MGAT4C: variants seen among roughly 807,000 people sequenced by gnomAD.
MGAT4C encodes the protein MGAT4 family member C, also known as alpha-1,3-mannosyl-glycoprotein 4-beta-N-acetylglucosaminyltransferase C.
A neutral mutation model predicts 40.1 loss-of-function variants in MGAT4C; 19 were observed. The observed-to-expected ratio is 0.47, with a 90% CI of 0.33 to 0.70. MGAT4C has a LOEUF of 0.70. Among genes scored for constraint, MGAT4C ranks in the 30% least tolerant of loss-of-function variants. The pLI, the probability that MGAT4C is intolerant of heterozygous loss-of-function variation, is 0.02. For missense variants in MGAT4C, 491 were observed against 563.2 expected (o/e 0.87, Z 1.30); for synonymous variants, 181 against 187.1 (o/e 0.97, Z 0.27).
chr12:85,986,924 AG>A (rs1476040916), intron 3 of MGAT4C, among the ~76,000 whole-genome samples: 1 of 152,038 alleles, frequency 6.6e-6, no homozygotes, highest in Non-Finnish European at 1.5e-5. Flanking sequence ...TCATTGAAAA[AG>A]TTTTCAACTT....
rs757890043 is a variant in MGAT4C, at chr12:85,956,706, T to A, written c.*22583A>T. 5.3e-5 allele frequency: 8 copies of A among 152,196 alleles called. No homozygotes were observed. Among genetic ancestry groups the A allele is most frequent in the Non-Finnish European group, 1.0e-4 (7 of 68,022 alleles). The allele number at this position is 152,196 out of a possible 1,614,324, so 9.4% of individuals were successfully genotyped here. On this transcript the variant is annotated 3_prime_UTR_variant, in exon 5 of 5. Transcript: ENST00000611864. ...GTGGGAAAACCACATAATTAGTCAA[T>A]AAATCATGAGCCCAAAGTCTATCCT...
intron 2 of MGAT4C, among the ~76,000 whole-genome samples, chr12:86,021,066 C>A (rs755164409): frequency 9.2e-5 from 14 of 151,930 alleles, no homozygotes; most frequent in East Asian, 1.9e-4. Context: ...TAGAATGGCA[C>A]TCATTAAAAA....
At chr12:86,536,546 C>T (rs935808837) in intron 2 of MGAT4C, among the ~76,000 whole-genome samples, 1 of 152,022 alleles carries the variant, frequency 6.6e-6, no homozygotes, top group African/African-American at 2.4e-5. Context: ...ATAATTTATG[C>T]TGAAAATTAT....
intron 2 of MGAT4C, among the ~76,000 whole-genome samples, chr12:85,998,748 CA>C (rs1886940703): frequency 6.6e-6 from 1 of 152,318 alleles, no homozygotes; most frequent in South Asian, 2.1e-4. Context: ...ACATCCCTAT[CA>C]GCATTTTGGG....
intron 2 of MGAT4C, chr12:86,001,527 G>T: frequency 5.1e-6 from 3 of 587,494 alleles, no homozygotes; most frequent in Non-Finnish European, 6.4e-6. Context: ...CTGGTTGATT[G>T]ATGGATGAGC....
intron 2 of MGAT4C, among the ~76,000 whole-genome samples, chr12:86,694,185 T>C (rs1950217164): frequency 6.6e-6 from 1 of 152,140 alleles, no homozygotes; most frequent in Admixed American, 6.6e-5. Flanking sequence ...AACTCAAATA[T>C]TTCAGATCTT....
intron 1 of MGAT4C, among the ~76,000 whole-genome samples, chr12:86,802,149 T>C (rs1488376863): frequency 1.3e-5 from 2 of 151,968 alleles, no homozygotes; most frequent in Non-Finnish European, 2.9e-5. Context: ...CAAGGTGCCA[T>C]ATATTTAGAA....
intron 2 of MGAT4C, among the ~76,000 whole-genome samples, chr12:86,491,319 A>G (rs796179088): frequency 2.6e-5 from 4 of 152,290 alleles, no homozygotes; most frequent in African/African-American, 9.6e-5. Context: ...TCTTGATACT[A>G]AAGCTGGGCA....
intron 2 of MGAT4C, among the ~76,000 whole-genome samples, chr12:86,624,367 G>A (rs985707898): frequency 6.6e-5 from 10 of 152,128 alleles, no homozygotes; most frequent in Non-Finnish European, 4.4e-5. Context: ...TTCACAAGCA[G>A]GAAGTAATGG....
chr12:86,205,883 A>G (rs1950231458), intron 1 of MGAT4C, among the ~76,000 whole-genome samples: 1 of 151,866 alleles, frequency 6.6e-6, no homozygotes, highest in Non-Finnish European at 1.5e-5. Context: ...AGTTTCTGAC[A>G]TTTGTGTATC....
chr12:86,097,263 C>T (rs917934393), intron 1 of MGAT4C, among the ~76,000 whole-genome samples: 9 of 151,582 alleles, frequency 5.9e-5, no homozygotes, highest in African/African-American at 2.2e-4. Flanking sequence ...TTGCAAGAAC[C>T]ATTGATAAGA....
At chr12:86,466,688 G>A (rs1252865564) in intron 2 of MGAT4C, among the ~76,000 whole-genome samples, 6 of 152,174 alleles carry the variant, frequency 3.9e-5, no homozygotes, top group African/African-American at 1.4e-4. Flanking sequence ...AAACTATGGA[G>A]TTTGAGTTAC....
chr12:86,684,952 T>C (rs1593113037), intron 2 of MGAT4C, among the ~76,000 whole-genome samples: 1 of 152,146 alleles, frequency 6.6e-6, no homozygotes. Flanking sequence ...GTCAGATGGA[T>C]AGATTGCAAA....
chr12:86,267,045 A>G (rs1014401828), intron 4 of MGAT4C, among the ~76,000 whole-genome samples: 2 of 150,402 alleles, frequency 1.3e-5, no homozygotes, highest in Non-Finnish European at 3.0e-5. Flanking sequence ...TTGTTTGTCT[A>G]CTCAAATAAT....
chr12:86,738,679 A>G lies in MGAT4C; in HGVS notation c.-261-11438T>C, dbSNP rs185321000. Among the ~76,000 whole-genome samples the G allele has an allele frequency of 1.3e-4, 19 of 151,456 alleles. No individual in the cohort carries two copies. In the East Asian group the frequency reaches 1.4e-3, roughly 11 times the overall value. On this transcript the variant is annotated intron_variant, in intron 1 of 7. Coordinates refer to the MGAT4C transcript ENST00000548651. ...CTTTTGGAAGTCAGCCTCTGTATCA[A>G]TACAATTTCAGGACTGATTATTAAT...
intron 1 of MGAT4C, among the ~76,000 whole-genome samples, chr12:86,734,001 G>A (rs1211932353): frequency 2.6e-5 from 4 of 152,126 alleles, no homozygotes; most frequent in Non-Finnish European, 5.9e-5. Context: ...GAAAAATGTC[G>A]TGGTCAATTC....
chr12:86,131,509 G>C (rs997447373), intron 1 of MGAT4C, among the ~76,000 whole-genome samples: 3 of 151,972 alleles, frequency 2.0e-5, no homozygotes, highest in Non-Finnish European at 1.5e-5. Context: ...ATAATTAAAA[G>C]TTATGCTGAA....
At chr12:86,280,238 T>C (rs573588049) in intron 4 of MGAT4C, among the ~76,000 whole-genome samples, 2 of 152,188 alleles carry the variant, frequency 1.3e-5, no homozygotes, top group Admixed American at 1.3e-4. Context: ...AAGTGAGGTG[T>C]TAAAGTCTAC....
chr12:86,341,209 G>A (rs1416594998), intron 3 of MGAT4C, among the ~76,000 whole-genome samples: 4 of 152,236 alleles, frequency 2.6e-5, no homozygotes, highest in African/African-American at 9.6e-5. Context: ...ATCCTCCCCA[G>A]CCCAGGGAAG....
Sources: allele counts gnomAD v4.1 joint callset (sites outside exome capture counted in the v4.1 genomes callset), GRCh38; gene constraint gnomAD v4.1.1; transcripts MANE v1.5; gene names NCBI Gene and HGNC (gene_info 2026-07-23, HGNC 2026-07-21).